Variants in NOL4 observed in about 807,000 individuals in gnomAD.
NOL4 encodes the protein nucleolar protein 4, also known as cancer/testis antigen 125.
NOL4 carries 17 observed loss-of-function variants against 75.9 expected under a neutral mutation model. The observed-to-expected ratio is 0.22, with a 90% CI of 0.15 to 0.34. NOL4 has a LOEUF of 0.34. Among genes scored for constraint, NOL4 ranks in the 10% least tolerant of loss-of-function variants. The pLI is 1.00. For missense variants in NOL4, 614 were observed against 793.5 expected, an observed-to-expected ratio of 0.77 and a Z score of 2.72; for synonymous variants, 292 against 289.9, an observed-to-expected ratio of 1.01 and a Z score of -0.07.
rs138403545 is a variant in NOL4, at chr18:34,113,867, G to A, written c.415-8707C>T. 1.2e-3 allele frequency among the ~76,000 whole-genome samples: 181 copies of A among 152,116 alleles called. 2 individuals are homozygous for A. Among genetic ancestry groups the A allele is most frequent in the African/African-American group, 3.7e-3 (155 of 41,508 alleles). On this transcript the variant is annotated intron_variant, in intron 2 of 10. Transcript: ENST00000261592. ...TCTATGACTCTTACCCTAATGAAAG[G>A]CCTGTTCTCATTTGCTGGGAATTAA...
At chr18:34,123,549 A>G (rs1046677211) in intron 2 of NOL4, among the ~76,000 whole-genome samples, 1 of 146,602 alleles carries the variant, frequency 6.8e-6, no homozygotes, top group African/African-American at 2.5e-5. Context: ...ATATATATAT[A>G]TATATATATA....
intron 10 of NOL4, among the ~76,000 whole-genome samples, chr18:33,874,643 G>A (rs2063848211): frequency 6.6e-6 from 1 of 151,948 alleles, no homozygotes; most frequent in Non-Finnish European, 1.5e-5. Context: ...AACTTAGCCA[G>A]GCCAGTTTCA....
Position 34,222,978 on chromosome 18 carries a change from C to T in NOL4, c.264+12G>A. On this transcript the variant is annotated intron_variant, in intron 1 of 10. Transcript: ENST00000261592. Reference sequence around the variant, plus strand: ...CCGGCAGACAAATAACAGAGGAAGGCGAGTCACTCACCGTGGTCTTGACAG... The same window carrying T: ...CCGGCAGACAAATAACAGAGGAAGGTGAGTCACTCACCGTGGTCTTGACAG... The T allele has an allele frequency of 6.2e-7, 1 of 1,603,342 alleles. No individual in the cohort carries two copies. The highest frequency in any genetic ancestry group is 1.1e-5 in the South Asian group (1 of 91,028).
Position 34,071,572 on chromosome 18 carries a change from C to T in NOL4, c.772+21893G>A, listed in dbSNP as rs12606015. The stretch of plus-strand genomic sequence containing the variant: ...AGAAACCATACTTTGAGTATCTATA[C>T]GACCATTCTGTTTTTAACTTTCAGT... On this transcript the variant is annotated intron_variant, in intron 5 of 10. Transcript: ENST00000261592. 1.9e-3 allele frequency among the ~76,000 whole-genome samples: 285 copies of T among 152,072 alleles called. 4 individuals are homozygous for T. In the East Asian group the frequency reaches 0.042, roughly 22 times the overall value.
At chr18:34,088,666 T>C (rs147923787) in intron 5 of NOL4, among the ~76,000 whole-genome samples, 19 of 152,236 alleles carry the variant, frequency 1.2e-4, no homozygotes, top group African/African-American at 4.1e-4. Context: ...AGCAGACGTA[T>C]ATATAACCTT....
At chr18:34,192,091 C>T (rs948046209) in intron 1 of NOL4, among the ~76,000 whole-genome samples, 1 of 152,060 alleles carries the variant, frequency 6.6e-6, no homozygotes, top group South Asian at 2.1e-4. Flanking sequence ...GAAATTTTGG[C>T]AAGATTTTCA....
chr18:34,104,093 T>C lies in NOL4; in HGVS notation c.593A>G (p.Tyr198Cys). The change falls in exon 4 of 11, where the codon TAC becomes TGC. Residue 198 changes from tyrosine (Y) to cysteine (C), a missense_variant. Tyr to Cys is a radical substitution (Grantham distance 194). Coordinates refer to ENST00000261592, the MANE Select transcript of NOL4 (RefSeq NM_003787.5). ...CAGCTGCAGCTTCATGTGTTTCATG[T>C]AGGCCATGGTAATTGGCATGTTGTA... is the stretch of plus-strand genomic sequence containing the variant. Reference protein sequence around the residue: ...IDYNMPITMAYMKHMKLQLLN... With the variant: ...IDYNMPITMACMKHMKLQLLN... The C allele has an allele frequency of 6.2e-7, 1 of 1,611,922 alleles. No homozygotes were observed. The highest frequency in any genetic ancestry group is 8.5e-7 in the Non-Finnish European group (1 of 1,178,302).
chr18:34,077,734 G>A (rs2077814948), intron 5 of NOL4, among the ~76,000 whole-genome samples: 1 of 152,080 alleles, frequency 6.6e-6, no homozygotes, highest in Non-Finnish European at 1.5e-5. Context: ...TAAAATATTT[G>A]TAGAAAGGAA....
chr18:34,091,035 T>C (rs955604134), intron 5 of NOL4, among the ~76,000 whole-genome samples: 1 of 151,822 alleles, frequency 6.6e-6, no homozygotes, highest in Non-Finnish European at 1.5e-5. Context: ...ATCTGATGAA[T>C]AGGATTAGGT....
At chr18:34,213,542 C>T (rs1264281797) in intron 1 of NOL4, among the ~76,000 whole-genome samples, 3 of 152,196 alleles carry the variant, frequency 2.0e-5, no homozygotes, top group Non-Finnish European at 4.4e-5. Flanking sequence ...CCCGCCTCAG[C>T]CTCCCAAAGT....
At chr18:34,034,959 A>T (rs1435393930) in intron 5 of NOL4, among the ~76,000 whole-genome samples, 1 of 152,172 alleles carries the variant, frequency 6.6e-6, no homozygotes, top group Non-Finnish European at 1.5e-5. Flanking sequence ...TCATAAAGCA[A>T]ATATTACTAG....
At chr18:34,142,036 T>C (rs981036363) in intron 1 of NOL4, among the ~76,000 whole-genome samples, 1 of 152,066 alleles carries the variant, frequency 6.6e-6, no homozygotes. Flanking sequence ...GAACAGACAC[T>C]TCTCAAAAGA....
At chr18:33,960,472 C>T (rs1368025103) in intron 6 of NOL4, among the ~76,000 whole-genome samples, 1 of 152,020 alleles carries the variant, frequency 6.6e-6, no homozygotes, top group African/African-American at 2.4e-5. Context: ...GTAGTAATTT[C>T]TAAAATCTCC....
intron 1 of NOL4, among the ~76,000 whole-genome samples, chr18:34,133,814 GAGTTCA>G (rs1238332855): frequency 6.6e-6 from 1 of 152,120 alleles, no homozygotes; most frequent in Non-Finnish European, 1.5e-5. Flanking sequence ...ATGAGGTCAG[GAGTTCA>G]AGACCCGCCT....
At chr18:34,151,683 A>C (rs1353996185) in intron 1 of NOL4, among the ~76,000 whole-genome samples, 2 of 151,902 alleles carry the variant, frequency 1.3e-5, no homozygotes, top group Non-Finnish European at 2.9e-5. Context: ...AACCAAGATT[A>C]ACCCTAATGT....
intron 6 of NOL4, among the ~76,000 whole-genome samples, chr18:33,977,073 T>A (rs771395114): frequency 6.6e-6 from 1 of 152,236 alleles, no homozygotes; most frequent in Non-Finnish European, 1.5e-5. Context: ...ATAATAATAA[T>A]ATATACAGTA....
intron 9 of NOL4, among the ~76,000 whole-genome samples, chr18:33,909,836 A>T (rs115293080): frequency 0.033 from 4,941 of 148,832 alleles, 97 homozygotes; most frequent in African/African-American, 0.039. Context: ...AAAATATATA[A>T]AAAAAAAAAT....
In NOL4 at chr18:33,883,363, G is replaced by T. The variant is rs1414250563; in HGVS notation, c.1604C>A (p.Thr535Lys). The change falls in exon 10 of 11, where the codon ACA (threonine) becomes AAA (lysine). Residue 535 changes from threonine (T) to lysine (K), a missense_variant. Transcript: ENST00000261592. The part of the protein sequence containing the change: ...KPEATQATYS[T>K]SAVPGSQDVL... ...GTCCTGTGAGCCTGGAACAGCTGAT[G>T]TTGAGTAAGTGGCCTGGGTCGCCTC... The T allele has an allele frequency of 6.2e-7, 1 of 1,613,292 alleles. No individual in the cohort carries two copies. The highest frequency in any genetic ancestry group is 1.1e-5 in the South Asian group (1 of 91,042).
At chr18:33,940,854 G>A (rs948277981) in intron 9 of NOL4, among the ~76,000 whole-genome samples, 5 of 151,904 alleles carry the variant, frequency 3.3e-5, no homozygotes, top group African/African-American at 1.2e-4. Context: ...GTAGGGCCAA[G>A]GACCACTGGT....
Sources: gnomAD v4.1 joint callset for allele counts (sites outside exome capture counted in the v4.1 genomes callset) on GRCh38, gnomAD v4.1.1 for gene constraint, MANE v1.5 for transcripts, NCBI Gene and HGNC (gene_info 2026-07-23, HGNC 2026-07-21) for gene names.